PRKG1: variants seen among roughly 807,000 people sequenced by gnomAD.
PRKG1 encodes protein kinase cGMP-dependent 1.
PRKG1 carries 35 observed loss-of-function variants against 88.1 expected under a neutral mutation model. That is an observed-to-expected ratio of 0.40 (90% confidence interval 0.30 to 0.53). The LOEUF is 0.53. Ranked by LOEUF, PRKG1 falls within the 20% of genes least tolerant of loss-of-function variation. The probability of loss-of-function intolerance (pLI) is 0.59; values close to 1 mark genes in which losing one functional copy is unlikely to be tolerated. For missense variants in PRKG1, 540 were observed against 839.8 expected, an observed-to-expected ratio of 0.64 and a Z score of 4.41; for synonymous variants, 303 against 292.5, an observed-to-expected ratio of 1.04 and a Z score of -0.37.
At chr10:51,950,078 TAAAG>T (rs1169764636) in intron 5 of PRKG1, among the ~76,000 whole-genome samples, 4 of 152,114 alleles carry the variant, frequency 2.6e-5, no homozygotes, top group Non-Finnish European at 5.9e-5. Flanking sequence ...AAGCACAAAA[TAAAG>T]AAAAAGTTGG....
intron 5 of PRKG1, among the ~76,000 whole-genome samples, chr10:51,965,608 A>G (rs958675713): frequency 6.6e-6 from 1 of 152,220 alleles, no homozygotes; most frequent in Non-Finnish European, 1.5e-5. Context: ...AGAATCATAT[A>G]GCAAAACAAG....
intron 9 of PRKG1, among the ~76,000 whole-genome samples, chr10:52,208,281 C>T (rs945903071): frequency 1.3e-5 from 2 of 152,154 alleles, no homozygotes; most frequent in Non-Finnish European, 2.9e-5. Flanking sequence ...AAAACAATCC[C>T]TTTCAAAACT....
At chr10:51,615,239 T>C (rs1014956904) in intron 3 of PRKG1, among the ~76,000 whole-genome samples, 9 of 152,270 alleles carry the variant, frequency 5.9e-5, no homozygotes, top group African/African-American at 2.2e-4. Context: ...TGCTTTACTC[T>C]TGCATCTAGT....
chr10:52,188,288 G>T (rs190507410), intron 9 of PRKG1, among the ~76,000 whole-genome samples: 1 of 13,062 alleles, frequency 7.7e-5, no homozygotes, highest in African/African-American at 4.2e-4. Flanking sequence ...ACATATATAT[G>T]TGTATATATA....
At chr10:51,087,145 C>T (rs140586411) in intron 1 of PRKG1, among the ~76,000 whole-genome samples, 1 of 152,258 alleles carries the variant, frequency 6.6e-6, no homozygotes. Context: ...ATAATATTAA[C>T]AACTTCTCTT....
Position 52,200,604 on chromosome 10 carries a change from T to A in PRKG1, c.1076+38641T>A, listed in dbSNP as rs185364506. On this transcript the variant is annotated intron_variant, in intron 9 of 17. Transcript: ENST00000373980. ...ATGGATTTCTGGGTTGAACAGTAGT[T>A]CTGCTTTAAGTTCTTTGAGAAATTA... Among the ~76,000 whole-genome samples, 723 of 152,288 alleles carry A rather than the reference T, an allele frequency of 4.7e-3. 4 individuals are homozygous for A. The highest frequency in any genetic ancestry group is 0.017 in the African/African-American group (693 of 41,550).
At chr10:51,168,200 C>T (rs2132002218) in intron 2 of PRKG1, among the ~76,000 whole-genome samples, 1 of 152,134 alleles carries the variant, frequency 6.6e-6, no homozygotes, top group Non-Finnish European at 1.5e-5. Context: ...ATAGCACTAT[C>T]TTTTTTGTCT....
intron 2 of PRKG1, among the ~76,000 whole-genome samples, chr10:51,293,669 A>G (rs1840641705): frequency 6.6e-6 from 1 of 152,128 alleles, no homozygotes; most frequent in Admixed American, 6.6e-5. Context: ...ATTGTAAACA[A>G]TGATGCCATG....
chr10:51,122,840 C>G (rs1367207466), intron 1 of PRKG1, among the ~76,000 whole-genome samples: 2 of 152,174 alleles, frequency 1.3e-5, no homozygotes, highest in Admixed American at 1.3e-4. Flanking sequence ...AGATCTGTCT[C>G]TCTCACTAAA....
intron 7 of PRKG1, chr10:52,081,553 A>G (rs1846775782): frequency 2.2e-6 from 1 of 455,976 alleles, no homozygotes; most frequent in South Asian, 1.6e-5. Context: ...TGATTGATTA[A>G]TCATAATTCA....
At chr10:51,502,509 C>G (rs942422816) in intron 3 of PRKG1, among the ~76,000 whole-genome samples, 2 of 152,066 alleles carry the variant, frequency 1.3e-5, no homozygotes, top group Non-Finnish European at 2.9e-5. Context: ...TTCTTTTGTA[C>G]CAGTTCCCTA....
At chr10:51,039,048 G>C (rs927118352) in intron 1 of PRKG1, among the ~76,000 whole-genome samples, 3 of 152,008 alleles carry the variant, frequency 2.0e-5, no homozygotes, top group African/African-American at 7.2e-5. Context: ...AAACAAGAGA[G>C]TGCAGATATC....
intron 2 of PRKG1, among the ~76,000 whole-genome samples, chr10:51,279,073 C>G (rs1443714603): frequency 1.3e-5 from 2 of 152,104 alleles, no homozygotes; most frequent in Admixed American, 6.6e-5. Context: ...ATCTTTCCTG[C>G]TTTCTTTTAT....
rs567858615 is a variant in PRKG1 at position 51,005,892 on chromosome 10, G to A, written c.266+14248G>A. ...TCTCCCCTCCTCTCATTGTCTATTCGTTGTTCAGTTCTCAGGAATAATGAG... is the reference window on the plus strand; with the variant it reads ...TCTCCCCTCCTCTCATTGTCTATTCATTGTTCAGTTCTCAGGAATAATGAG... On this transcript the variant is annotated intron_variant, in intron 1 of 17. Coordinates refer to the PRKG1 transcript ENST00000401604. Among the ~76,000 whole-genome samples the A allele has an allele frequency of 8.5e-5, 13 of 152,212 alleles. No individual in the cohort carries two copies. In the East Asian group the frequency reaches 1.4e-3, roughly 16 times the overall value.
At chr10:51,211,986 A>C (rs919009146) in intron 2 of PRKG1, among the ~76,000 whole-genome samples, 5 of 152,214 alleles carry the variant, frequency 3.3e-5, no homozygotes, top group Non-Finnish European at 7.3e-5. Context: ...ATATGGAACC[A>C]AAAAAGAGCC....
At chr10:51,051,371 T>C (rs1293083602) in intron 1 of PRKG1, among the ~76,000 whole-genome samples, 2 of 152,190 alleles carry the variant, frequency 1.3e-5, no homozygotes, top group African/African-American at 2.4e-5. Context: ...TTTATTCATT[T>C]GCATGTTAAT....
rs142070764 is a variant in PRKG1, at chr10:51,439,001, AT to A, written c.479-28711del. ...CACCTGGAACCAACAACTAATTGGG[AT>A]TTTTTTTTTTAAAAAAAAAGAGAAA... On this transcript the variant is annotated intron_variant, in intron 2 of 17. Coordinates refer to ENST00000373980, the MANE Select transcript of PRKG1 (RefSeq NM_006258.4). 1.9e-4 allele frequency among the ~76,000 whole-genome samples: 24 copies of A among 127,842 alleles called. No individual in the cohort carries two copies. In the South Asian group the frequency reaches 2.5e-3, roughly 13 times the overall value. 83.9% of individuals were successfully genotyped at this position (127,842 alleles called of 152,430 possible).
chr10:52,054,971 C>CA (rs530401185), intron 6 of PRKG1, among the ~76,000 whole-genome samples: 24 of 152,014 alleles, frequency 1.6e-4, no homozygotes, highest in Non-Finnish European at 3.2e-4. Flanking sequence ...CTCATCTATA[C>CA]AAAAAATAGA....
chr10:51,588,273 T>C (rs185779170), intron 3 of PRKG1, among the ~76,000 whole-genome samples: 2 of 152,328 alleles, frequency 1.3e-5, no homozygotes, highest in East Asian at 3.9e-4. Flanking sequence ...CTATCATCCA[T>C]ACCTTTGACA....
Sources: allele counts gnomAD v4.1 joint callset (sites outside exome capture counted in the v4.1 genomes callset), GRCh38; gene constraint gnomAD v4.1.1; transcripts MANE v1.5; gene names NCBI Gene and HGNC (gene_info 2026-07-23, HGNC 2026-07-21).